The following SREK1IP1 variants were observed in gnomAD, a reference collection of about 807,000 sequenced individuals.
SREK1IP1 encodes SREK1 interacting protein 1.
In SREK1IP1, 12 loss-of-function variants were observed where a neutral mutation model predicts 22.8. The ratio of observed to expected loss-of-function variants is 0.53; its 90% CI spans 0.34 to 0.85. SREK1IP1 has a LOEUF of 0.85. Among genes scored for constraint, SREK1IP1 ranks in the 40% least tolerant of loss-of-function variants. The pLI, the probability that SREK1IP1 is intolerant of heterozygous loss-of-function variation, is 0.02. For synonymous variants in SREK1IP1, 53 were observed against 52.7 expected, an observed-to-expected ratio of 1.01 and a Z score of -0.02; for missense variants, 147 against 171.8, an observed-to-expected ratio of 0.86 and a Z score of 0.81.
chr5:64,742,245 T>C (rs770133589), intron 2 of SREK1IP1, among the ~76,000 whole-genome samples: 1 of 152,136 alleles, frequency 6.6e-6, no homozygotes, highest in South Asian at 2.1e-4. Flanking sequence ...CGTAGGTTGC[T>C]TCCAGTAGTT....
intron 1 of SREK1IP1, among the ~76,000 whole-genome samples, chr5:64,756,830 G>T (rs1043227810): frequency 6.6e-6 from 1 of 152,048 alleles, no homozygotes; most frequent in African/African-American, 2.4e-5. Flanking sequence ...GTTTCACCAT[G>T]TTAGCCAGGA....
chr5:64,726,789 CA>C (rs1381206591), intron 4 of SREK1IP1, among the ~76,000 whole-genome samples: 2 of 152,100 alleles, frequency 1.3e-5, no homozygotes, highest in African/African-American at 4.8e-5. Context: ...TATAATAAAG[CA>C]TTGAATATCT....
chr5:64,766,923 TAC>T (rs1441239765), intron 1 of SREK1IP1, among the ~76,000 whole-genome samples: 6 of 152,230 alleles, frequency 3.9e-5, no homozygotes, highest in African/African-American at 7.2e-5. Flanking sequence ...CAATATTAGC[TAC>T]AGTTACTATC....
intron 4 of SREK1IP1, among the ~76,000 whole-genome samples, chr5:64,726,863 G>T (rs1282619620): frequency 1.3e-5 from 2 of 152,186 alleles, no homozygotes; most frequent in African/African-American, 4.8e-5. Flanking sequence ...GGTACTTGAA[G>T]TACATTTCTA....
At chr5:64,742,583 T>C (rs1742569378) in intron 2 of SREK1IP1, among the ~76,000 whole-genome samples, 1 of 152,200 alleles carries the variant, frequency 6.6e-6, no homozygotes. Context: ...ATTTTGTGGG[T>C]GAAGTCCTTT....
chr5:64,747,387 G>A (rs1217050733), intron 2 of SREK1IP1, among the ~76,000 whole-genome samples: 2 of 152,066 alleles, frequency 1.3e-5, no homozygotes, highest in East Asian at 3.9e-4. Flanking sequence ...ACTCAGGCAT[G>A]GTTGAAAGGG....
chr5:64,760,141 T>C (rs1436800277), intron 1 of SREK1IP1, among the ~76,000 whole-genome samples: 1 of 152,234 alleles, frequency 6.6e-6, no homozygotes, highest in Non-Finnish European at 1.5e-5. Context: ...GGATGGTTTT[T>C]ATTTAATGAT....
At chr5:64,756,302 A>C (rs1381549915) in intron 1 of SREK1IP1, among the ~76,000 whole-genome samples, 1 of 152,202 alleles carries the variant, frequency 6.6e-6, no homozygotes, top group Non-Finnish European at 1.5e-5. Flanking sequence ...AACTGCATTC[A>C]TTAAAAAACT....
chr5:64,728,318 CTTAA>C (rs1360835209), intron 3 of SREK1IP1, 139 bp from the exon 4 acceptor site: 2 of 834,010 alleles, frequency 2.4e-6, no homozygotes, highest in East Asian at 9.5e-5. Flanking sequence ...TTTCCCCTTT[CTTAA>C]TTATCTTTAT....
rs1229119454 is a variant in SREK1IP1, at chr5:64,728,184, G to C, written c.206-5C>G. On this transcript the variant is annotated splice_region_variant and splice_polypyrimidine_tract_variant and intron_variant, in intron 3 of 4. Transcript: ENST00000513458. ...TTTCCTCTTCTTCATTTATTCCTGT[G>C]GGGGAGAGGTGAGAAGAAAAAAATC... is the stretch of plus-strand genomic sequence containing the variant. 2 of 1,382,854 alleles carry C rather than the reference G, an allele frequency of 1.4e-6. No individual in the cohort carries two copies. The highest frequency in any genetic ancestry group is 1.9e-6 in the Non-Finnish European group (2 of 1,060,214). The allele number at this position is 1,382,854 out of a possible 1,614,324, so 85.7% of individuals were successfully genotyped here.
chr5:64,736,705 C>T (rs371781272), intron 3 of SREK1IP1, among the ~76,000 whole-genome samples: 1 of 151,958 alleles, frequency 6.6e-6, no homozygotes. Context: ...TTAGGTGATC[C>T]GCCTACCTCG....
intron 3 of SREK1IP1, among the ~76,000 whole-genome samples, chr5:64,730,902 AGGAGTAAGGCAG>A (rs1742366733): frequency 6.6e-6 from 1 of 152,200 alleles, no homozygotes; most frequent in Non-Finnish European, 1.5e-5. Flanking sequence ...AGATAAAGAA[AGGAGTAAGGCAG>A]TTACAGATAT....
intron 2 of SREK1IP1, 120 bp downstream of exon 2, chr5:64,754,195 C>T (rs1376573600): frequency 1.5e-5 from 13 of 873,896 alleles, no homozygotes; most frequent in Non-Finnish European, 2.4e-5. Context: ...TAGATGTTAG[C>T]TTAGGGCTAA....
intron 3 of SREK1IP1, among the ~76,000 whole-genome samples, chr5:64,728,431 C>A (rs1486469570): frequency 6.6e-6 from 1 of 152,118 alleles, no homozygotes; most frequent in Non-Finnish European, 1.5e-5. Context: ...CTCTAATTCC[C>A]ATAGGAAATC....
At position 64,727,946 on chromosome 5, in the gene SREK1IP1, A is replaced by C. The variant is rs551205688; in HGVS notation, c.278+161T>G. 199 of 667,548 alleles carry C rather than the reference A, an allele frequency of 3.0e-4. 2 individuals are homozygous for C. Among genetic ancestry groups the C allele is most frequent in the Non-Finnish European group, 3.8e-4 (191 of 507,122 alleles). 41.4% of individuals were successfully genotyped at this position (667,548 alleles called of 1,614,324 possible). ...ATTTTAGTCAATTTCATGTATATGA[A>C]GACAAAATATATATTAAGAGTTTAA... On this transcript the variant is annotated intron_variant, in intron 4 of 4. Coordinates refer to ENST00000513458, the MANE Select transcript of SREK1IP1 (RefSeq NM_173829.4).
At chr5:64,726,632 G>A (rs116647875) in intron 4 of SREK1IP1, among the ~76,000 whole-genome samples, 3 of 150,812 alleles carry the variant, frequency 2.0e-5, no homozygotes, top group East Asian at 1.9e-4. Context: ...ATGGAGTTAC[G>A]CCTTGATAAA....
intron 3 of SREK1IP1, among the ~76,000 whole-genome samples, chr5:64,736,004 A>T (rs114987566): frequency 4.1e-4 from 63 of 152,216 alleles, no homozygotes; most frequent in African/African-American, 1.5e-3. Context: ...TTAGTACTAT[A>T]AGTTTGTCTC....
At chr5:64,760,151 T>C (rs927829672) in intron 1 of SREK1IP1, among the ~76,000 whole-genome samples, 1 of 152,212 alleles carries the variant, frequency 6.6e-6, no homozygotes, top group African/African-American at 2.4e-5. Context: ...TATTTAATGA[T>C]GTCATGATCG....
chr5:64,759,337 G>T (rs970815426), intron 1 of SREK1IP1, among the ~76,000 whole-genome samples: 1 of 152,152 alleles, frequency 6.6e-6, no homozygotes, highest in African/African-American at 2.4e-5. Context: ...GAGCTATATT[G>T]TGAGGTCCTT....
Sources: gnomAD v4.1 joint callset for allele counts (sites outside exome capture counted in the v4.1 genomes callset) on GRCh38, gnomAD v4.1.1 for gene constraint, MANE v1.5 for transcripts, NCBI Gene and HGNC (gene_info 2026-07-23, HGNC 2026-07-21) for gene names.